Variants in CD1B observed in about 807,000 individuals in gnomAD.
The protein encoded by CD1B is CD1b molecule.
In CD1B, 43 loss-of-function variants were observed where a neutral mutation model predicts 39.8. The ratio of observed to expected loss-of-function variants is 1.08; its 90% CI spans 0.85 to 1.39. The LOEUF is 1.39. Ranked by LOEUF, CD1B falls within the 40% of genes most tolerant of loss-of-function variation. CD1B has a pLI of 0.00. For missense variants in CD1B, 495 were observed against 403.8 expected (o/e 1.23, Z -1.94); for synonymous variants, 192 against 152.5 (o/e 1.26, Z -1.91).
chr1:158,301,959 A>G, the CD1B span, among the ~76,000 whole-genome samples: 1 of 152,158 alleles, frequency 6.6e-6, no homozygotes, highest in East Asian at 1.9e-4. Flanking sequence ...ACATAGTACC[A>G]TATATGCAGA....
the CD1B span, among the ~76,000 whole-genome samples, chr1:158,319,766 G>T: frequency 6.6e-6 from 1 of 152,192 alleles, no homozygotes; most frequent in Non-Finnish European, 1.5e-5. Flanking sequence ...CAGTTTTTCT[G>T]TTCTGTTTTT....
chr1:158,328,218 A>G lies in CD1B; in HGVS notation c.*18T>C. 6.2e-7 allele frequency: 1 copy of G among 1,604,454 alleles called. No homozygotes were observed. ...TCTTGGTACTTATTGCGAATGGGAG[A>G]GGAGACATGATGATGGCTCATGGGA... On this transcript the variant is annotated 3_prime_UTR_variant, in exon 6 of 6. Coordinates refer to ENST00000368168, the MANE Select transcript of CD1B (RefSeq NM_001764.3).
At chr1:158,289,398 A>G in the CD1B span, among the ~76,000 whole-genome samples, 1 of 152,222 alleles carries the variant, frequency 6.6e-6, no homozygotes, top group South Asian at 2.1e-4. Context: ...AATGGCTGCA[A>G]TTTAATCTCT....
the CD1B span, among the ~76,000 whole-genome samples, chr1:158,304,538 C>A: frequency 6.6e-6 from 1 of 152,178 alleles, no homozygotes; most frequent in African/African-American, 2.4e-5. Flanking sequence ...CCAAAGGCAG[C>A]AGAATCCTCT....
the CD1B span, among the ~76,000 whole-genome samples, chr1:158,295,498 A>T: frequency 6.6e-6 from 1 of 151,882 alleles, no homozygotes; most frequent in East Asian, 1.9e-4. Flanking sequence ...CAGGGACAGG[A>T]CTCCAGCTTC....
the CD1B span, among the ~76,000 whole-genome samples, chr1:158,293,855 G>A: frequency 1.3e-5 from 2 of 152,116 alleles, no homozygotes; most frequent in Non-Finnish European, 1.5e-5. Flanking sequence ...TGCCTTTCCT[G>A]CATATGATAG....
chr1:158,314,477 C>A, the CD1B span, among the ~76,000 whole-genome samples: 3 of 151,978 alleles, frequency 2.0e-5, no homozygotes, highest in East Asian at 1.9e-4. Context: ...TTACATTTAT[C>A]GTTGCTTCTC....
At chr1:158,310,837 A>G in the CD1B span, among the ~76,000 whole-genome samples, 1 of 152,206 alleles carries the variant, frequency 6.6e-6, no homozygotes, top group Non-Finnish European at 1.5e-5. Flanking sequence ...GGTTGCAGAG[A>G]AAAGAGAATA....
At chr1:158,329,240 G>T in intron 4 of CD1B, 130 bp downstream of exon 4, 2 of 1,210,488 alleles carry the variant, frequency 1.7e-6, no homozygotes, top group Non-Finnish European at 1.2e-6. Context: ...TGTTGGGATT[G>T]GGGTCAGGGA....
At chr1:158,316,382 A>T in the CD1B span, among the ~76,000 whole-genome samples, 2 of 151,732 alleles carry the variant, frequency 1.3e-5, no homozygotes, top group Admixed American at 6.6e-5. Flanking sequence ...CATCCCTTGT[A>T]AGTTGGATTC....
chr1:158,321,859 C>T, the CD1B span, among the ~76,000 whole-genome samples: 2 of 152,140 alleles, frequency 1.3e-5, no homozygotes, highest in African/African-American at 2.4e-5. Flanking sequence ...CAGATCATCC[C>T]ATTACCCAGG....
chr1:158,311,666 A>C, the CD1B span, among the ~76,000 whole-genome samples: 1 of 151,962 alleles, frequency 6.6e-6, no homozygotes, highest in Admixed American at 6.6e-5. Flanking sequence ...TCTTCATTTG[A>C]TTTTGTATAT....
the CD1B span, among the ~76,000 whole-genome samples, chr1:158,305,378 AC>A: frequency 6.6e-6 from 1 of 151,824 alleles, no homozygotes; most frequent in African/African-American, 2.4e-5. Context: ...AGAAGTTTAG[AC>A]GAAAAAGAAT....
chr1:158,293,290 T>G, the CD1B span: 1 of 1,613,750 alleles, frequency 6.2e-7, no homozygotes, highest in Non-Finnish European at 8.5e-7. Context: ...GTGTTATGGT[T>G]TAAGAAGCAC....
the CD1B span, among the ~76,000 whole-genome samples, chr1:158,311,540 A>G: frequency 3.1e-4 from 47 of 152,182 alleles, 1 homozygote; most frequent in African/African-American, 1.1e-3. Flanking sequence ...GTTTTGTATT[A>G]CCAGTGCTTT....
the CD1B span, among the ~76,000 whole-genome samples, chr1:158,300,631 C>A: frequency 8.6e-4 from 131 of 152,128 alleles, 1 homozygote; most frequent in African/African-American, 3.0e-3. Flanking sequence ...CTTCGTAGGT[C>A]TGTAAGGACT....
chr1:158,305,725 C>T, the CD1B span, among the ~76,000 whole-genome samples: 2 of 152,212 alleles, frequency 1.3e-5, no homozygotes, highest in Non-Finnish European at 2.9e-5. Context: ...AGACTAACAG[C>T]TGATCTCTCA....
the CD1B span, among the ~76,000 whole-genome samples, chr1:158,304,773 G>A: frequency 6.6e-6 from 1 of 152,196 alleles, no homozygotes; most frequent in African/African-American, 2.4e-5. Context: ...AACATTTGCT[G>A]TTCACCAATA....
the CD1B span, among the ~76,000 whole-genome samples, chr1:158,315,874 A>G: frequency 1.3e-5 from 2 of 152,054 alleles, no homozygotes; most frequent in Non-Finnish European, 2.9e-5. Context: ...CTTTCTACAT[A>G]TGGCTAGCCA....
Sources: gnomAD v4.1 joint callset for allele counts (sites outside exome capture counted in the v4.1 genomes callset) on GRCh38, gnomAD v4.1.1 for gene constraint, MANE v1.5 for transcripts, NCBI Gene and HGNC (gene_info 2026-07-23, HGNC 2026-07-21) for gene names.